DOCK8: variants seen among roughly 807,000 people sequenced by gnomAD.
DOCK8 encodes the protein dedicator of cytokinesis 8, also known as dedicator of cytokinesis protein 8.
A neutral mutation model predicts 245.6 loss-of-function variants in DOCK8; 141 were observed. The ratio of observed to expected loss-of-function variants is 0.57; its 90% confidence interval spans 0.50 to 0.66. The LOEUF (loss-of-function observed/expected upper bound fraction) is 0.66. Ranked by LOEUF, DOCK8 falls within the 30% of genes least tolerant of loss-of-function variation. The pLI, the probability that DOCK8 is intolerant of heterozygous loss-of-function variation, is 0.00. For missense variants in DOCK8, 2,965 were observed against 2,603.4 expected (o/e 1.14, Z -3.02); for synonymous variants, 1,168 against 970.2 (o/e 1.20, Z -3.79).
At chr9:254,338 C>A (rs1017005660) in intron 1 of DOCK8, among the ~76,000 whole-genome samples, 4 of 152,210 alleles carry the variant, frequency 2.6e-5, no homozygotes, top group African/African-American at 9.7e-5. Context: ...TAATTCCCAA[C>A]TCTTGCTATC....
intron 28 of DOCK8, among the ~76,000 whole-genome samples, chr9:408,430 T>C (rs978503148): frequency 5.6e-4 from 85 of 152,228 alleles, no homozygotes; most frequent in Non-Finnish European, 1.2e-4. Flanking sequence ...AGAACTTCAC[T>C]TTCCATGGCT....
At chr9:282,420 T>TG (rs1345410490) in intron 2 of DOCK8, among the ~76,000 whole-genome samples, 3 of 150,950 alleles carry the variant, frequency 2.0e-5, no homozygotes, top group African/African-American at 4.9e-5. Flanking sequence ...TTTGTTTTTT[T>TG]TTTTTTTTTG....
intron 39 of DOCK8, among the ~76,000 whole-genome samples, chr9:435,986 T>C (rs1446109538): frequency 6.6e-6 from 1 of 152,242 alleles, no homozygotes; most frequent in Non-Finnish European, 1.5e-5. Flanking sequence ...ACATGGCTGA[T>C]TTTATGAAAA....
At chr9:256,399 G>A (rs1334562421) in intron 1 of DOCK8, among the ~76,000 whole-genome samples, 1 of 152,146 alleles carries the variant, frequency 6.6e-6, no homozygotes, top group African/African-American at 2.4e-5. Context: ...AACTTGATCC[G>A]GTACCCAATT....
intron 1 of DOCK8, among the ~76,000 whole-genome samples, chr9:259,599 G>A (rs538991263): frequency 6.6e-6 from 1 of 152,156 alleles, no homozygotes; most frequent in Non-Finnish European, 1.5e-5. Context: ...ATTCACTGAG[G>A]TGCTCATCAA....
intron 34 of DOCK8, 134 bp downstream of exon 34, chr9:427,115 AG>A: frequency 1.3e-6 from 1 of 771,648 alleles, no homozygotes; most frequent in Non-Finnish European, 2.2e-6. Context: ...GAAGTTGAGA[AG>A]TTTACTATTT....
rs374724033 is a variant in DOCK8, at chr9:345,498, T to A, written c.1679+5177T>A. Among the ~76,000 whole-genome samples the A allele has an allele frequency of 7.7e-4, 118 of 152,304 alleles. 2 individuals carry two copies. In the South Asian group the frequency reaches 0.023, roughly 30 times the overall value. On this transcript the variant is annotated intron_variant, in intron 14 of 47. Coordinates refer to ENST00000432829, the MANE Select transcript of DOCK8 (RefSeq NM_203447.4). ...TCTAATAGCAGATGTTTTCTGGCCT[T>A]GAGTGCCAGTGGTAACCAGAGTCAC...
chr9:429,063 G>A (rs2056608668), intron 35 of DOCK8, among the ~76,000 whole-genome samples: 2 of 152,194 alleles, frequency 1.3e-5, no homozygotes, highest in African/African-American at 2.4e-5. Flanking sequence ...TGCGCCCTGG[G>A]CTCAAGCGAT....
chr9:316,378 C>T (rs2050347531), intron 6 of DOCK8, among the ~76,000 whole-genome samples: 1 of 152,182 alleles, frequency 6.6e-6, no homozygotes, highest in South Asian at 2.1e-4. Flanking sequence ...ACAATAGGGG[C>T]TTGATATTTC....
At chr9:214,114 G>T, upstream of DOCK8, 1 of 242,548 alleles carries the variant, frequency 4.1e-6, no homozygotes, top group Non-Finnish European at 8.0e-6. Flanking sequence ...AGAGCAGCAC[G>T]CCGGCACCTT....
intron 14 of DOCK8, 69 bp downstream of exon 14, chr9:340,390 G>A: frequency 6.3e-7 from 1 of 1,595,038 alleles, no homozygotes; most frequent in Non-Finnish European, 8.6e-7. Flanking sequence ...GGAGGCCGAG[G>A]CAGGAGGATT....
rs780798376 is a variant in DOCK8, at chr9:443,423, C to G, written c.5491-4C>G. 3.1e-6 allele frequency: 5 copies of G among 1,613,632 alleles called. No homozygotes were observed. Among genetic ancestry groups the G allele is most frequent in the Non-Finnish European group, 4.2e-6 (5 of 1,179,620 alleles). ...TTTATAAACTGTTGGTTCTTCTTACCTAGGCATTTTATGGTCAATGTTTTG... is the reference window on the plus strand; with the variant it reads ...TTTATAAACTGTTGGTTCTTCTTACGTAGGCATTTTATGGTCAATGTTTTG... On this transcript the variant is annotated splice_polypyrimidine_tract_variant and splice_region_variant and intron_variant, in intron 42 of 47. Transcript: ENST00000432829.
At chr9:322,788 T>A (rs2050574977) in intron 7 of DOCK8, among the ~76,000 whole-genome samples, 2 of 152,154 alleles carry the variant, frequency 1.3e-5, no homozygotes, top group African/African-American at 2.4e-5. Flanking sequence ...CTGGTGAGCC[T>A]AGGCCCAGGA....
chr9:464,164 C>T lies in DOCK8; in HGVS notation c.6245C>T (p.Ser2082Phe), dbSNP rs1416231873. 1.9e-6 allele frequency: 3 copies of T among 1,613,348 alleles called. No homozygotes were observed. Among genetic ancestry groups the T allele is most frequent in the East Asian group, 2.2e-5 (1 of 44,892 alleles). Reference sequence around the variant, plus strand: ...CTCTCTTTTCTTAATTTCAGGGACTCCTTCCACAGATCTAGTTTCAGGAAA... The same window carrying T: ...CTCTCTTTTCTTAATTTCAGGGACTTCTTCCACAGATCTAGTTTCAGGAAA... The part of the protein sequence containing the change: ...IFRVESQKRD[S>F]FHRSSFRKCE... Residue 2082 changes from serine to phenylalanine, a missense_variant, in exon 48 of 48, where the codon TCC becomes TTC. Physicochemically the swap from Ser to Phe is radical, Grantham distance 155. This residue lies in a region of DOCK8 where 134 missense variants were observed against 128.1 expected (regional missense o/e 1.05). Transcript: ENST00000432829.
At chr9:215,401 G>C (rs985389122) in intron 1 of DOCK8, 20 of 1,547,100 alleles carry the variant, frequency 1.3e-5, no homozygotes, top group East Asian at 2.5e-5. Flanking sequence ...TCTCATAAAC[G>C]GCTCCTTCCT....
chr9:450,759 G>A (rs963045323), intron 45 of DOCK8, among the ~76,000 whole-genome samples: 3 of 151,522 alleles, frequency 2.0e-5, no homozygotes, highest in Admixed American at 1.3e-4. Flanking sequence ...GCCTTTGTAA[G>A]TGCCAATCCT....
chr9:299,350 A>G (rs2049419618), intron 4 of DOCK8, among the ~76,000 whole-genome samples: 2 of 152,154 alleles, frequency 1.3e-5, no homozygotes, highest in Admixed American at 6.5e-5. Context: ...AATAACTGTT[A>G]ATGGACAATC....
chr9:400,634 A>T lies in DOCK8; in HGVS notation c.3234+1375A>T, dbSNP rs927622089. ...CACCACCTCCACCACCATCACCACC[A>T]CCTCCACCATCACCACCACCTCCAC... On this transcript the variant is annotated intron_variant, in intron 26 of 47. Transcript: ENST00000432829. Among the ~76,000 whole-genome samples the T allele has an allele frequency of 9.0e-5, 10 of 111,162 alleles. No homozygotes were observed. The East Asian group carries it at 1.1e-3, about 13-fold the overall frequency. The allele number at this position is 111,162 out of a possible 152,430, so 72.9% of individuals were successfully genotyped here.
At chr9:219,975 ATTTGC>A (rs2046847036) in intron 1 of DOCK8, among the ~76,000 whole-genome samples, 1 of 152,226 alleles carries the variant, frequency 6.6e-6, no homozygotes, top group Non-Finnish European at 1.5e-5. Flanking sequence ...TCTGAGAAGT[ATTTGC>A]TAATTTTATC....
Sources: allele counts gnomAD v4.1 joint callset (sites outside exome capture counted in the v4.1 genomes callset), GRCh38; gene constraint gnomAD v4.1.1; regional missense constraint gnomAD v4.1.1; transcripts MANE v1.5; gene names NCBI Gene and HGNC (gene_info 2026-07-23, HGNC 2026-07-21).